The following PCDH15 variants were observed in gnomAD, a reference collection of about 807,000 sequenced individuals.
PCDH15 encodes protocadherin-15.
PCDH15 carries 129 observed loss-of-function variants against 178.5 expected under a neutral mutation model. The observed-to-expected ratio is 0.72, with a 90% CI of 0.63 to 0.84. The LOEUF is 0.84. Among genes scored for constraint, PCDH15 ranks in the 40% least tolerant of loss-of-function variants. The pLI, the probability that PCDH15 is intolerant of heterozygous loss-of-function variation, is 0.00. For missense variants in PCDH15, 2,230 were observed against 2,099.9 expected (o/e 1.06, Z -1.21); for synonymous variants, 800 against 732.0 (o/e 1.09, Z -1.50).
chr10:55,581,328 T>C (rs1200773448), intron 2 of PCDH15, among the ~76,000 whole-genome samples: 5 of 151,960 alleles, frequency 3.3e-5, no homozygotes, highest in Non-Finnish European at 7.4e-5. Context: ...ATGCTAATAT[T>C]CAGAAAAATA....
In PCDH15 at chr10:54,457,248, A is replaced by G. The variant is rs534557526; in HGVS notation, c.157+70564T>C. ...CTCTAACTATCAAAGTGACAAAAAA[A>G]CGAGCTATCAACATCAGCCCTCCTC... On this transcript the variant is annotated intron_variant, in intron 3 of 37. Transcript: ENST00000644397. 3.3e-5 allele frequency among the ~76,000 whole-genome samples: 5 copies of G among 152,296 alleles called. No individual in the cohort carries two copies. The South Asian group carries it at 8.3e-4, about 25-fold the overall frequency.
Position 54,357,629 on chromosome 10 carries a change from T to C in PCDH15, c.475-11145A>G, listed in dbSNP as rs200793162. Among the ~76,000 whole-genome samples, 495 of 152,110 alleles carry C rather than the reference T, an allele frequency of 3.3e-3. 17 individuals carry two copies. In the East Asian group the frequency reaches 0.084, roughly 26 times the overall value. ...ATTCAATGCCATCCCCATCAAGCTA[T>C]GAATGACTTTCTTCACAGAATTGGA... is the stretch of plus-strand genomic sequence containing the variant. On this transcript the variant is annotated intron_variant, in intron 5 of 37. Coordinates refer to ENST00000644397, the MANE Select transcript of PCDH15 (RefSeq NM_001384140.1).
At chr10:54,837,730 C>A (rs539409138) in intron 3 of PCDH15, among the ~76,000 whole-genome samples, 1 of 152,160 alleles carries the variant, frequency 6.6e-6, no homozygotes, top group African/African-American at 2.4e-5. Context: ...AATTCGGCAG[C>A]CATTCATGAA....
chr10:53,822,865 T>C, intron 32 of PCDH15: 2 of 1,614,156 alleles, frequency 1.2e-6, no homozygotes, highest in Non-Finnish European at 1.7e-6. Context: ...GGATTGCTGC[T>C]ACCTCTTTTG....
chr10:54,980,217 C>T (rs1839196342), intron 2 of PCDH15, among the ~76,000 whole-genome samples: 2 of 152,106 alleles, frequency 1.3e-5, no homozygotes, highest in Admixed American at 1.3e-4. Flanking sequence ...TAATTAATAC[C>T]AGCAAACAAT....
At chr10:54,005,136 T>A (rs1397570239) in intron 20 of PCDH15, among the ~76,000 whole-genome samples, 1 of 152,052 alleles carries the variant, frequency 6.6e-6, no homozygotes, top group African/African-American at 2.4e-5. Context: ...TTAGGCCCCA[T>A]CTCATGCCAT....
intron 2 of PCDH15, among the ~76,000 whole-genome samples, chr10:54,651,565 C>T (rs959311110): frequency 6.6e-6 from 1 of 152,150 alleles, no homozygotes; most frequent in Non-Finnish European, 1.5e-5. Flanking sequence ...ATCTCACTTT[C>T]ATGGTGCACA....
chr10:53,853,853 T>C (rs1296438255), intron 28 of PCDH15, among the ~76,000 whole-genome samples: 3 of 152,042 alleles, frequency 2.0e-5, no homozygotes, highest in Admixed American at 2.0e-4. Context: ...GCAACTGCTA[T>C]AGAAAACAAT....
intron 26 of PCDH15, among the ~76,000 whole-genome samples, chr10:53,875,961 A>G (rs1005396547): frequency 7.9e-5 from 12 of 152,172 alleles, no homozygotes; most frequent in Non-Finnish European, 1.8e-4. Flanking sequence ...AAAGTTCAGT[A>G]ATGCCAAGTT....
chr10:54,720,263 T>G (rs1032050486), intron 1 of PCDH15, among the ~76,000 whole-genome samples: 1 of 152,018 alleles, frequency 6.6e-6, no homozygotes, highest in African/African-American at 2.4e-5. Flanking sequence ...ATTGCAGCAC[T>G]TGGATTGTCT....
intron 28 of PCDH15, among the ~76,000 whole-genome samples, chr10:53,841,427 T>A (rs1311622681): frequency 6.6e-6 from 1 of 152,180 alleles, no homozygotes; most frequent in Non-Finnish European, 1.5e-5. Flanking sequence ...CTTTGATACA[T>A]CAGAAAATAA....
At chr10:54,519,834 A>G (rs541876773) in intron 3 of PCDH15, among the ~76,000 whole-genome samples, 4 of 152,294 alleles carry the variant, frequency 2.6e-5, no homozygotes, top group Non-Finnish European at 5.9e-5. Flanking sequence ...TACAGTAACC[A>G]AAACAGCATA....
At chr10:53,964,097 TG>T (rs1213342998) in intron 21 of PCDH15, among the ~76,000 whole-genome samples, 1 of 152,166 alleles carries the variant, frequency 6.6e-6, no homozygotes, top group East Asian at 1.9e-4. Context: ...GAAAATAAGG[TG>T]GCAATATAAT....
chr10:54,689,362 G>A (rs947702852), intron 1 of PCDH15, among the ~76,000 whole-genome samples: 7 of 152,002 alleles, frequency 4.6e-5, no homozygotes, highest in African/African-American at 1.4e-4. Flanking sequence ...AAAAAACAAA[G>A]AGCTGAAATA....
chr10:55,092,657 C>T (rs1842345842), intron 2 of PCDH15, among the ~76,000 whole-genome samples: 1 of 151,798 alleles, frequency 6.6e-6, no homozygotes, highest in Non-Finnish European at 1.5e-5. Context: ...AAATTAATGA[C>T]AAACAGACTA....
chr10:54,066,134 T>C (rs1216303718), intron 18 of PCDH15, among the ~76,000 whole-genome samples: 1 of 152,186 alleles, frequency 6.6e-6, no homozygotes, highest in East Asian at 1.9e-4. Flanking sequence ...TTTTTCTTCT[T>C]TGTGACTTCT....
chr10:54,383,039 T>C (rs1949426621), intron 3 of PCDH15, among the ~76,000 whole-genome samples: 1 of 152,100 alleles, frequency 6.6e-6, no homozygotes. Context: ...TGAATGTAAG[T>C]GGAGGCACGC....
chr10:55,172,947 C>T (rs1839379274), intron 1 of PCDH15, among the ~76,000 whole-genome samples: 2 of 151,750 alleles, frequency 1.3e-5, no homozygotes, highest in South Asian at 2.1e-4. Flanking sequence ...CAAAGGTCTA[C>T]AAAAAAGGTT....
At chr10:53,937,032 C>T (rs536898456) in intron 25 of PCDH15, among the ~76,000 whole-genome samples, 9 of 152,172 alleles carry the variant, frequency 5.9e-5, no homozygotes, top group African/African-American at 2.2e-4. Context: ...TTCAAAGAAT[C>T]AGGCAGTAAA....
Sources: gnomAD v4.1 joint callset for allele counts (sites outside exome capture counted in the v4.1 genomes callset) on GRCh38, gnomAD v4.1.1 for gene constraint, MANE v1.5 for transcripts, NCBI Gene and HGNC (gene_info 2026-07-23, HGNC 2026-07-21) for gene names.